MTRES1: variants seen among roughly 807,000 people sequenced by gnomAD.
MTRES1 encodes the protein uncharacterized protein C6orf203.
A neutral mutation model predicts 17.4 loss-of-function variants in MTRES1; 11 were observed. The observed-to-expected ratio is 0.63, with a 90% CI of 0.40 to 1.05. MTRES1 has a LOEUF of 1.05. MTRES1 is among the 50% of genes least tolerant of loss of function. The pLI is 0.00. For synonymous variants in MTRES1, 94 were observed against 99.6 expected (o/e 0.94, Z 0.34); for missense variants, 268 against 276.2 (o/e 0.97, Z 0.21).
In MTRES1 at chr6:107,051,315, A is replaced by T; in HGVS notation, c.*79A>T. On this transcript the variant is annotated 3_prime_UTR_variant, in exon 4 of 4. Transcript: ENST00000311381. The stretch of plus-strand genomic sequence containing the variant: ...CCTGAAAAATAGGACATTTTTATTA[A>T]AATAAAGTTCTCTTAGCGTTTGTGG... 7.9e-7 allele frequency: 1 copy of T among 1,260,382 alleles called. No homozygotes were observed. The highest frequency in any genetic ancestry group is 1.1e-6 in the Non-Finnish European group (1 of 903,010). 78.1% of individuals were successfully genotyped at this position (1,260,382 alleles called of 1,614,324 possible).
chr6:107,040,060 A>G lies in MTRES1; in HGVS notation c.300A>G (p.Lys100=), dbSNP rs139959851. The change falls in exon 2 of 4, where the codon AAA becomes AAG. Residue 100 remains lysine, a synonymous_variant. Coordinates refer to ENST00000311381, the MANE Select transcript of MTRES1 (RefSeq NM_016487.5). ...STKSTKKSLQ[K]VDEEDSDEES... ...AATCTACTAAAAAGTCTCTGCAAAA[A>G]GTAGATGAAGAGGACTCTGATGAAG... 7.4e-5 allele frequency: 119 copies of G among 1,613,588 alleles called. No individual in the cohort carries two copies. The African/African-American group carries it at 1.4e-3, about 19-fold the overall frequency.
chr6:107,041,163 T>A (rs1276286163), intron 2 of MTRES1, among the ~76,000 whole-genome samples: 1 of 149,640 alleles, frequency 6.7e-6, no homozygotes, highest in Non-Finnish European at 1.5e-5. Context: ...AGGCGGAGCT[T>A]GCAGTGAGCC....
In MTRES1 at chr6:107,040,023, T is replaced by C. The variant is rs906427284; in HGVS notation, c.263T>C (p.Ile88Thr). The change falls in exon 2 of 4, where the codon ATA (isoleucine) becomes ACA (threonine). Residue 88 changes from isoleucine (I) to threonine (T), a missense_variant. Physicochemically the swap from Ile to Thr is moderately conservative, Grantham distance 89. Coordinates refer to ENST00000311381, the MANE Select transcript of MTRES1 (RefSeq NM_016487.5). ...FPFSVRLKSN[I>T]RSTKSTKKSL... ...TTTTCCGTAAGACTCAAAAGTAATATAAGGTCTACAAAATCTACTAAAAAG... is the reference window on the plus strand; with the variant it reads ...TTTTCCGTAAGACTCAAAAGTAATACAAGGTCTACAAAATCTACTAAAAAG... 14 of 1,613,412 alleles carry C rather than the reference T, an allele frequency of 8.7e-6. No individual in the cohort carries two copies. The highest frequency in any genetic ancestry group is 3.3e-5 in the South Asian group (3 of 90,966).
intron 1 of MTRES1, chr6:107,028,871 T>G (rs1158907827): frequency 2.0e-6 from 2 of 985,046 alleles, no homozygotes; most frequent in African/African-American, 3.5e-5. Flanking sequence ...TGATCATCTC[T>G]CCACTCATCC....
Position 107,042,353 on chromosome 6 carries a change from A to AAAG in MTRES1, c.471-1905_471-1904insGAA, listed in dbSNP as rs1417421361. Among the ~76,000 whole-genome samples, 140 of 148,552 alleles carry AAAG rather than the reference A, an allele frequency of 9.4e-4. 1 individual carries two copies. The highest frequency in any genetic ancestry group is 3.6e-3 in the African/African-American group (138 of 38,618). On this transcript the variant is annotated intron_variant, in intron 2 of 3. Coordinates refer to ENST00000311381, the MANE Select transcript of MTRES1 (RefSeq NM_016487.5). ...GGACTCCGTCTCAAAAAAAAAAAAAAAAAAGGTTCATAAAAATGAGCCAGC... is the reference window on the plus strand; with the variant it reads ...GGACTCCGTCTCAAAAAAAAAAAAAAAAGAAAAGGTTCATAAAAATGAGCCAGC...
intron 3 of MTRES1, among the ~76,000 whole-genome samples, chr6:107,050,551 C>CTTTTTTTTTTT (rs142268482): frequency 7.4e-5 from 6 of 81,516 alleles, no homozygotes; most frequent in Admixed American, 1.7e-4. Flanking sequence ...CTCTCCCTTT[C>CTTTTTTTTTTT]TTTTTTTTTT....
chr6:107,048,605 C>A (rs1774476235), intron 3 of MTRES1, among the ~76,000 whole-genome samples: 1 of 151,144 alleles, frequency 6.6e-6, no homozygotes, highest in Admixed American at 6.6e-5. Flanking sequence ...CATGATGAAA[C>A]CCTGTCTCTA....
intron 2 of MTRES1, among the ~76,000 whole-genome samples, chr6:107,043,317 G>A (rs9480721): frequency 0.037 from 5,573 of 151,258 alleles, 351 homozygotes; most frequent in African/African-American, 0.13. Context: ...CTGGGCAATG[G>A]AGCGAGACTC....
At position 107,033,702 on chromosome 6, in the gene MTRES1, C is replaced by T. The variant is rs907520645; in HGVS notation, c.-13+5431C>T. Among the ~76,000 whole-genome samples the T allele has an allele frequency of 2.0e-5, 3 of 152,226 alleles. No homozygotes were observed. In the South Asian group the frequency reaches 6.2e-4, roughly 32 times the overall value. On this transcript the variant is annotated intron_variant, in intron 1 of 3. Coordinates refer to ENST00000311381, the MANE Select transcript of MTRES1 (RefSeq NM_016487.5). Reference sequence around the variant, plus strand: ...GCGTGGTGGCGGGTGCCTGTACTCCCAGCTACTTGGGAGGCTGAGGCAGGA... The same window carrying T: ...GCGTGGTGGCGGGTGCCTGTACTCCTAGCTACTTGGGAGGCTGAGGCAGGA...
chr6:107,046,673 C>T (rs984438494), intron 3 of MTRES1, among the ~76,000 whole-genome samples: 16 of 152,148 alleles, frequency 1.1e-4, no homozygotes, highest in African/African-American at 3.9e-4. Context: ...CTGCTGACCC[C>T]GAAGGGTCAG....
At chr6:107,049,643 G>C (rs1334584576) in intron 3 of MTRES1, among the ~76,000 whole-genome samples, 1 of 151,026 alleles carries the variant, frequency 6.6e-6, no homozygotes, top group Non-Finnish European at 1.5e-5. Flanking sequence ...TCGATCTCCT[G>C]ACCTTATGAT....
intron 1 of MTRES1, among the ~76,000 whole-genome samples, chr6:107,037,346 C>T (rs1055667803): frequency 3.7e-4 from 56 of 151,814 alleles, no homozygotes; most frequent in African/African-American, 1.2e-3. Flanking sequence ...TTGGGATTAC[C>T]GGCATGAGCC....
chr6:107,042,576 G>A (rs782627773), intron 2 of MTRES1, among the ~76,000 whole-genome samples: 3 of 152,100 alleles, frequency 2.0e-5, no homozygotes, highest in Non-Finnish European at 2.9e-5. Flanking sequence ...TTCCTCCCCC[G>A]GTCTGGTTGC....
chr6:107,031,580 T>C (rs1554226436), intron 1 of MTRES1, among the ~76,000 whole-genome samples: 2 of 150,610 alleles, frequency 1.3e-5, no homozygotes, highest in Non-Finnish European at 3.0e-5. Flanking sequence ...GTAGCTAGGA[T>C]TACAGATGCC....
intron 3 of MTRES1, among the ~76,000 whole-genome samples, chr6:107,046,954 G>A (rs1230062724): frequency 6.6e-6 from 1 of 150,456 alleles, no homozygotes; most frequent in Non-Finnish European, 1.5e-5. Flanking sequence ...GTGTGTGTGT[G>A]TGTGTGTGTG....
At chr6:107,032,867 C>G (rs144018145) in intron 1 of MTRES1, among the ~76,000 whole-genome samples, 103 of 152,318 alleles carry the variant, frequency 6.8e-4, no homozygotes, top group Middle Eastern at 3.4e-3. Context: ...CACCTTTGCT[C>G]TCAGAACTTT....
intron 1 of MTRES1, among the ~76,000 whole-genome samples, chr6:107,034,738 A>G (rs1582595768): frequency 6.6e-6 from 1 of 152,182 alleles, no homozygotes; most frequent in Non-Finnish European, 1.5e-5. Context: ...CTGTAATCCT[A>G]GCACTTTGGG....
rs1480190769 is a variant in MTRES1, at chr6:107,040,019, A to C, written c.259A>C (p.Asn87His). 1.2e-6 allele frequency: 2 copies of C among 1,613,308 alleles called. No individual in the cohort carries two copies. Among genetic ancestry groups the C allele is most frequent in the African/African-American group, 2.7e-5 (2 of 74,822 alleles). Residue 87 changes from asparagine to histidine, a missense_variant, in exon 2 of 4, where the codon AAT becomes CAT. Transcript: ENST00000311381. ...TCCTTTTTCCGTAAGACTCAAAAGTAATATAAGGTCTACAAAATCTACTAA... is the reference window on the plus strand; with the variant it reads ...TCCTTTTTCCGTAAGACTCAAAAGTCATATAAGGTCTACAAAATCTACTAA... ...IFPFSVRLKS[N>H]IRSTKSTKKS...
intron 3 of MTRES1, among the ~76,000 whole-genome samples, chr6:107,049,560 C>G (rs370337015): frequency 6.6e-6 from 1 of 151,496 alleles, no homozygotes; most frequent in Non-Finnish European, 1.5e-5. Flanking sequence ...ACTACAGGCG[C>G]CCGCCACCAC....
Sources: allele counts gnomAD v4.1 joint callset (sites outside exome capture counted in the v4.1 genomes callset), GRCh38; gene constraint gnomAD v4.1.1; transcripts MANE v1.5; gene names NCBI Gene and HGNC (gene_info 2026-07-23, HGNC 2026-07-21).